SOS2: variants seen among roughly 807,000 people sequenced by gnomAD.
The protein encoded by SOS2 is SOS Ras/Rho guanine nucleotide exchange factor 2.
A neutral mutation model predicts 148.2 loss-of-function variants in SOS2; 65 were observed. The ratio of observed to expected loss-of-function variants is 0.44; its 90% CI spans 0.36 to 0.54. The LOEUF (loss-of-function observed/expected upper bound fraction) is 0.54. SOS2 is among the 20% of genes least tolerant of loss of function. SOS2 has a pLI of 0.00. For synonymous variants in SOS2, 539 were observed against 537.1 expected (o/e 1.00, Z -0.05); for missense variants, 1,341 against 1,590.2 (o/e 0.84, Z 2.67).
At chr14:50,123,553 T>C (rs1883590831) in intron 21 of SOS2, among the ~76,000 whole-genome samples, 1 of 152,088 alleles carries the variant, frequency 6.6e-6, no homozygotes, top group Admixed American at 6.5e-5. Flanking sequence ...CAGCTAATTT[T>C]TGTATTTTTA....
intron 4 of SOS2, among the ~76,000 whole-genome samples, chr14:50,191,023 T>C (rs146700943): frequency 6.6e-6 from 1 of 152,340 alleles, no homozygotes; most frequent in Admixed American, 6.5e-5. Context: ...CTGTAACTTC[T>C]TGCTCCCATT....
At chr14:50,135,993 T>C (rs1380516361) in intron 18 of SOS2, among the ~76,000 whole-genome samples, 11 of 152,148 alleles carry the variant, frequency 7.2e-5, no homozygotes, top group Admixed American at 7.2e-4. Context: ...TATATAAAAA[T>C]GGTACTAGGT....
intron 4 of SOS2, among the ~76,000 whole-genome samples, chr14:50,193,690 C>T (rs369280418): frequency 2.8e-4 from 42 of 152,140 alleles, no homozygotes; most frequent in East Asian, 2.1e-3. Flanking sequence ...TAAGATCATA[C>T]CACATCATAC....
chr14:50,146,561 G>A (rs995028339), intron 14 of SOS2, among the ~76,000 whole-genome samples: 5 of 152,112 alleles, frequency 3.3e-5, no homozygotes, highest in African/African-American at 1.2e-4. Flanking sequence ...CAGGAGAATC[G>A]CTTGAACCCA....
At position 50,117,990 on chromosome 14, in the gene SOS2, CATCT is replaced by C. The variant is rs1883345519; in HGVS notation, c.*350_*353del. 1 of 182,978 alleles carries C rather than the reference CATCT, an allele frequency of 5.5e-6. No homozygotes were observed. Among genetic ancestry groups the C allele is most frequent in the Non-Finnish European group, 1.1e-5 (1 of 87,810 alleles). The allele number at this position is 182,978 out of a possible 1,614,324, so 11.3% of individuals were successfully genotyped here. ...GTGTAAATTCACTGCCTTAAAAAGG[CATCT>C]ATTACTCAAATTTGAAAAATTTCAC... On this transcript the variant is annotated 3_prime_UTR_variant, in exon 23 of 23. Coordinates refer to ENST00000216373, the MANE Select transcript of SOS2 (RefSeq NM_006939.4).
At chr14:50,189,297 T>C (rs534077691) in intron 4 of SOS2, among the ~76,000 whole-genome samples, 11 of 78,998 alleles carry the variant, frequency 1.4e-4, no homozygotes, top group Non-Finnish European at 2.1e-4. Flanking sequence ...TATATATGTA[T>C]ACTGTAATAC....
chr14:50,122,686 G>A (rs1003166404), intron 21 of SOS2, among the ~76,000 whole-genome samples: 5 of 152,022 alleles, frequency 3.3e-5, no homozygotes, highest in African/African-American at 9.7e-5. Context: ...ATTTCTCCAC[G>A]GTAGGCAATC....
chr14:50,148,572 C>CT (rs1376183999), intron 14 of SOS2, among the ~76,000 whole-genome samples: 5 of 152,158 alleles, frequency 3.3e-5, no homozygotes, highest in African/African-American at 4.8e-5. Flanking sequence ...GTACTATTTG[C>CT]TTTTTTTACC....
intron 6 of SOS2, among the ~76,000 whole-genome samples, chr14:50,181,309 G>A (rs964135612): frequency 1.3e-4 from 20 of 152,142 alleles, no homozygotes; most frequent in African/African-American, 4.8e-4. Flanking sequence ...TTAGCTGGGC[G>A]TGGTGGCAGG....
At chr14:50,178,526 C>T (rs892686649) in intron 7 of SOS2, among the ~76,000 whole-genome samples, 2 of 151,562 alleles carry the variant, frequency 1.3e-5, no homozygotes, top group Admixed American at 6.6e-5. Flanking sequence ...TGCAGTGTTG[C>T]AATCTCGGCT....
At chr14:50,185,478 C>A (rs1040783414) in intron 5 of SOS2, among the ~76,000 whole-genome samples, 2 of 151,898 alleles carry the variant, frequency 1.3e-5, no homozygotes, top group Admixed American at 6.6e-5. Context: ...GATCACCTAA[C>A]GTCAGGATTT....
At chr14:50,166,862 A>G (rs1885182672) in intron 8 of SOS2, among the ~76,000 whole-genome samples, 1 of 152,164 alleles carries the variant, frequency 6.6e-6, no homozygotes, top group Non-Finnish European at 1.5e-5. Context: ...TAAACTCTCT[A>G]GATTTTCATA....
intron 13 of SOS2, among the ~76,000 whole-genome samples, chr14:50,150,893 T>G (rs1325963336): frequency 6.6e-6 from 1 of 152,184 alleles, no homozygotes; most frequent in Non-Finnish European, 1.5e-5. Flanking sequence ...TGGCTAATTT[T>G]GTTGTATTTT....
intron 7 of SOS2, among the ~76,000 whole-genome samples, chr14:50,177,678 C>A: frequency 6.6e-6 from 1 of 151,918 alleles, no homozygotes. Context: ...TAAAAATATT[C>A]CTCTCTTGAA....
upstream of SOS2, chr14:50,231,662 C>CGCGGCGGGCGGTGAGCAGCG (rs1887553094): frequency 6.1e-6 from 1 of 162,744 alleles, no homozygotes; most frequent in Admixed American, 6.5e-5. Flanking sequence ...CCGCTACGGC[C>CGCGGCGGGCGGTGAGCAGCG]GCGGCGGGCG....
At chr14:50,180,810 T>G in intron 6 of SOS2, 128 bp from the exon 7 acceptor site, 2 of 529,716 alleles carry the variant, frequency 3.8e-6, no homozygotes, top group South Asian at 2.7e-5. Flanking sequence ...GCCACTATAT[T>G]CCAGCTCGAG....
chr14:50,221,385 C>G (rs1421220430), intron 1 of SOS2, among the ~76,000 whole-genome samples: 1 of 152,176 alleles, frequency 6.6e-6, no homozygotes, highest in Non-Finnish European at 1.5e-5. Flanking sequence ...TAAAGAAGAT[C>G]TGCCTGACAA....
At chr14:50,206,521 T>C (rs1886663139) in intron 1 of SOS2, among the ~76,000 whole-genome samples, 1 of 152,192 alleles carries the variant, frequency 6.6e-6, no homozygotes, top group East Asian at 1.9e-4. Context: ...TATTGTATTG[T>C]TTAGGAAATA....
chr14:50,191,075 T>C (rs1046945283), intron 4 of SOS2, among the ~76,000 whole-genome samples: 1 of 152,194 alleles, frequency 6.6e-6, no homozygotes, highest in African/African-American at 2.4e-5. Context: ...GCTCTCACTA[T>C]TGATCTAGTG....
Sources: gnomAD v4.1 joint callset for allele counts (sites outside exome capture counted in the v4.1 genomes callset) on GRCh38, gnomAD v4.1.1 for gene constraint, MANE v1.5 for transcripts, NCBI Gene and HGNC (gene_info 2026-07-23, HGNC 2026-07-21) for gene names.